The following RBMS1 variants were observed in gnomAD, a reference collection of about 807,000 sequenced individuals.
RBMS1 encodes the protein RNA-binding motif, single-stranded-interacting protein 1.
RBMS1 carries 17 observed loss-of-function variants against 62.3 expected under a neutral mutation model. That is an observed-to-expected ratio of 0.27 (90% confidence interval 0.19 to 0.41). The LOEUF (loss-of-function observed/expected upper bound fraction) is 0.41, where lower values mean the gene tolerates loss of function less well. RBMS1 is among the 10% of genes least tolerant of loss of function. The probability of loss-of-function intolerance (pLI) is 1.00; values close to 1 mark genes in which losing one functional copy is unlikely to be tolerated. For missense variants in RBMS1, 334 were observed against 504.5 expected, an observed-to-expected ratio of 0.66 and a Z score of 3.24; for synonymous variants, 172 against 170.0, an observed-to-expected ratio of 1.01 and a Z score of -0.09.
intron 2 of RBMS1, among the ~76,000 whole-genome samples, chr2:160,357,220 TA>T (rs1692850948): frequency 6.6e-6 from 1 of 152,076 alleles, no homozygotes; most frequent in Non-Finnish European, 1.5e-5. Context: ...GGGTGATTTT[TA>T]AAAAAATTCT....
At chr2:160,470,017 G>A (rs2105343021) in intron 1 of RBMS1, among the ~76,000 whole-genome samples, 1 of 152,308 alleles carries the variant, frequency 6.6e-6, no homozygotes, top group South Asian at 2.1e-4. Context: ...AGCCAAGACA[G>A]TAAAACTGCA....
At chr2:160,412,715 A>G (rs571191145) in intron 1 of RBMS1, among the ~76,000 whole-genome samples, 30 of 152,336 alleles carry the variant, frequency 2.0e-4, no homozygotes, top group African/African-American at 7.0e-4. Flanking sequence ...TGGATATAAC[A>G]TGGGCGTGGG....
rs776181927 is a variant in RBMS1 at position 160,395,623 on chromosome 2, C to CAA, written c.76-28234_76-28233dup. On this transcript the variant is annotated intron_variant, in intron 1 of 13. Coordinates refer to ENST00000348849, the MANE Select transcript of RBMS1 (RefSeq NM_016836.4). ...TGGGTGACACAGCGAGACTCCGTCT[C>CAA]AAAAAAAAAAAAAAAAAAAAAAATC... is the stretch of plus-strand genomic sequence containing the variant. Among the ~76,000 whole-genome samples the CAA allele has an allele frequency of 1.0e-2, 513 of 51,508 alleles. 8 individuals carry two copies. Among genetic ancestry groups the CAA allele is most frequent in the African/African-American group, 0.026 (355 of 13,578 alleles). The allele number at this position is 51,508 out of a possible 152,430, so 33.8% of individuals were successfully genotyped here.
At chr2:160,338,836 G>A (rs992220508) in intron 2 of RBMS1, among the ~76,000 whole-genome samples, 4 of 152,172 alleles carry the variant, frequency 2.6e-5, no homozygotes, top group Non-Finnish European at 4.4e-5. Context: ...CCACTCAATA[G>A]GCAGAAGAGG....
At chr2:160,452,202 GA>G (rs557805458) in intron 1 of RBMS1, among the ~76,000 whole-genome samples, 104 of 150,612 alleles carry the variant, frequency 6.9e-4, no homozygotes, top group African/African-American at 2.5e-3. Flanking sequence ...AGAGGAGATG[GA>G]AAAAAAAAGA....
At chr2:160,467,924 G>T (rs1403597904) in intron 1 of RBMS1, among the ~76,000 whole-genome samples, 3 of 152,238 alleles carry the variant, frequency 2.0e-5, no homozygotes, top group African/African-American at 7.2e-5. Context: ...AATGCAAACT[G>T]CCAACTGGTA....
intron 1 of RBMS1, among the ~76,000 whole-genome samples, chr2:160,444,441 C>T (rs1045587521): frequency 6.6e-6 from 1 of 152,130 alleles, no homozygotes; most frequent in African/African-American, 2.4e-5. Flanking sequence ...TTTATAAATG[C>T]CATATACTGT....
chr2:160,304,451 C>T (rs919266506), intron 4 of RBMS1, among the ~76,000 whole-genome samples: 5 of 151,960 alleles, frequency 3.3e-5, no homozygotes, highest in Non-Finnish European at 5.9e-5. Flanking sequence ...TAAGTAACAC[C>T]GACACTCCAG....
At chr2:160,475,276 C>G (rs11695908) in intron 1 of RBMS1, among the ~76,000 whole-genome samples, 64 of 152,246 alleles carry the variant, frequency 4.2e-4, no homozygotes, top group African/African-American at 1.4e-3. Context: ...ACCTTTTCCC[C>G]TCTATCCTGT....
In RBMS1 at chr2:160,324,578, T is replaced by C. The variant is rs569562083; in HGVS notation, c.252-6351A>G. On this transcript the variant is annotated intron_variant, in intron 2 of 13. Transcript: ENST00000348849. The stretch of plus-strand genomic sequence containing the variant: ...ATAAACAAAAAAGATACTTTAACTT[T>C]GAGAAAGGGCAGAATGTTGCTCATG... Among the ~76,000 whole-genome samples, 4 of 152,038 alleles carry C rather than the reference T, an allele frequency of 2.6e-5. 1 individual carries two copies. The South Asian group carries it at 8.3e-4, about 32-fold the overall frequency.
chr2:160,319,517 C>T (rs1690432557), intron 2 of RBMS1, among the ~76,000 whole-genome samples: 1 of 152,004 alleles, frequency 6.6e-6, no homozygotes, highest in African/African-American at 2.4e-5. Context: ...ATCTCAAAAA[C>T]AAAACAAAAC....
chr2:160,278,333 T>C (rs1476585841), intron 11 of RBMS1: 1 of 580,126 alleles, frequency 1.7e-6, no homozygotes, highest in Non-Finnish European at 3.1e-6. Flanking sequence ...TGCTATATTC[T>C]CGTAAAGGAG....
At chr2:160,449,026 C>G (rs924396176) in intron 1 of RBMS1, among the ~76,000 whole-genome samples, 1 of 151,628 alleles carries the variant, frequency 6.6e-6, no homozygotes, top group Admixed American at 6.6e-5. Context: ...CCCGGCCACC[C>G]TGTCTGAGAA....
chr2:160,333,828 G>C (rs992694501), intron 2 of RBMS1, among the ~76,000 whole-genome samples: 11 of 152,162 alleles, frequency 7.2e-5, no homozygotes, highest in African/African-American at 2.4e-4. Flanking sequence ...GAGATGTTGT[G>C]ATGGAAACTC....
intron 1 of RBMS1, among the ~76,000 whole-genome samples, chr2:160,429,233 C>CT (rs1356767060): frequency 1.3e-5 from 2 of 151,838 alleles, no homozygotes; most frequent in Non-Finnish European, 2.9e-5. Flanking sequence ...TCCTTTCTTC[C>CT]TTTTTTTTCA....
intron 2 of RBMS1, among the ~76,000 whole-genome samples, chr2:160,339,890 T>C (rs1468712836): frequency 1.3e-5 from 2 of 152,306 alleles, no homozygotes; most frequent in African/African-American, 4.8e-5. Flanking sequence ...CAGAGTGCTA[T>C]GTAACTCTAT....
At chr2:160,372,380 A>T (rs1002842824) in intron 1 of RBMS1, among the ~76,000 whole-genome samples, 1 of 152,128 alleles carries the variant, frequency 6.6e-6, no homozygotes, top group Non-Finnish European at 1.5e-5. Flanking sequence ...CCACCATCCC[A>T]AACAGCAGGT....
chr2:160,330,437 G>A (rs903245194), intron 2 of RBMS1, among the ~76,000 whole-genome samples: 1 of 152,086 alleles, frequency 6.6e-6, no homozygotes, highest in African/African-American at 2.4e-5. Context: ...TCAGGGGGAT[G>A]GTGAATGTAA....
chr2:160,394,571 G>A, intron 1 of RBMS1, among the ~76,000 whole-genome samples: 1 of 152,164 alleles, frequency 6.6e-6, no homozygotes, highest in East Asian at 1.9e-4. Flanking sequence ...AATAAAACAG[G>A]TGGAAAAACT....
Sources: allele counts gnomAD v4.1 joint callset (sites outside exome capture counted in the v4.1 genomes callset), GRCh38; gene constraint gnomAD v4.1.1; transcripts MANE v1.5; gene names NCBI Gene and HGNC (gene_info 2026-07-23, HGNC 2026-07-21).